The following HDGFL2 variants were observed in gnomAD, a reference collection of about 807,000 sequenced individuals.
HDGFL2 encodes HDGF like 2.
Under a neutral mutation model 77.1 loss-of-function variants are expected in HDGFL2, and 36 were observed. The observed-to-expected ratio is 0.47, with a 90% CI of 0.36 to 0.62. HDGFL2 has a LOEUF of 0.62. HDGFL2 is among the 20% of genes least tolerant of loss of function. The pLI is 0.00. For synonymous variants in HDGFL2, 463 were observed against 413.1 expected, an observed-to-expected ratio of 1.12 and a Z score of -1.46; for missense variants, 976 against 973.4, an observed-to-expected ratio of 1.00 and a Z score of -0.04.
chr19:4,473,393 C>T (rs558551437), intron 1 of HDGFL2, among the ~76,000 whole-genome samples: 1 of 151,580 alleles, frequency 6.6e-6, no homozygotes, highest in African/African-American at 2.4e-5. Flanking sequence ...CAGGGTGCCT[C>T]AGGGAGCCGT....
At chr19:4,477,404 T>A (rs945607968) in intron 3 of HDGFL2, among the ~76,000 whole-genome samples, 5 of 152,172 alleles carry the variant, frequency 3.3e-5, no homozygotes, top group Non-Finnish European at 1.5e-5. Context: ...TATTTTACTT[T>A]AACACCCATG....
intron 4 of HDGFL2, among the ~76,000 whole-genome samples, chr19:4,491,269 A>AC (rs1975502609): frequency 5.1e-5 from 1 of 19,456 alleles, no homozygotes; most frequent in East Asian, 4.2e-3. Context: ...CCACCCCCCC[A>AC]CCCCCCCACC....
chr19:4,485,345 T>G (rs1478487533), intron 3 of HDGFL2, among the ~76,000 whole-genome samples: 1 of 152,208 alleles, frequency 6.6e-6, no homozygotes, highest in Non-Finnish European at 1.5e-5. Context: ...AGAGCCTCGT[T>G]TCTTTTCATG....
chr19:4,496,388 G>C lies in HDGFL2; in HGVS notation c.1311G>C (p.Glu437Asp), dbSNP rs998759249. 6.2e-7 allele frequency: 1 copy of C among 1,613,746 alleles called. No homozygotes were observed. Among genetic ancestry groups the C allele is most frequent in the African/African-American group, 1.3e-5 (1 of 74,920 alleles). ...PGQKEKRVRP[E>D]EKQQAKPVKV... Reference sequence around the variant, plus strand: ...AGAAGGAGAAGAGAGTGCGGCCCGAGGAGAAGCAACAAGCCAAGTGAGCCC... The same window carrying C: ...AGAAGGAGAAGAGAGTGCGGCCCGACGAGAAGCAACAAGCCAAGTGAGCCC... Residue 437 changes from glutamate (E) to aspartate (D), a missense_variant, in exon 10 of 16, where the codon GAG (glutamate) becomes GAC (aspartate). Coordinates refer to ENST00000616600, the MANE Select transcript of HDGFL2 (RefSeq NM_001001520.3).
At position 4,475,823 on chromosome 19, in the gene HDGFL2, C is replaced by A. The variant is rs547659974; in HGVS notation, c.288+240C>A. On this transcript the variant is annotated intron_variant, in intron 3 of 15. Transcript: ENST00000616600. ...GTCCCCAGTCATTGCCCAGTGTCCC[C>A]TGGGTGGAGGGGAACGGGATAGAAT... Among the ~76,000 whole-genome samples the A allele has an allele frequency of 1.8e-4, 27 of 152,296 alleles. No homozygotes were observed. The East Asian group carries it at 5.0e-3, about 28-fold the overall frequency.
intron 6 of HDGFL2, among the ~76,000 whole-genome samples, chr19:4,492,482 C>T (rs750880675): frequency 6.6e-6 from 1 of 151,326 alleles, no homozygotes; most frequent in Non-Finnish European, 1.5e-5. Context: ...CCTGTGTGTC[C>T]ATGTGTGCAT....
intron 13 of HDGFL2, 38 bp downstream of exon 13, chr19:4,498,953 G>T (rs1410213908): frequency 7.0e-7 from 1 of 1,437,542 alleles, no homozygotes; most frequent in Non-Finnish European, 9.6e-7. Flanking sequence ...GTGCAGTCGG[G>T]GGAGCTGGGA....
Position 4,479,664 on chromosome 19 carries a change from T to C in HDGFL2, c.288+4081T>C, listed in dbSNP as rs898303548. ...ACGCTTACACCTGTAATCCCAGCAC[T>C]TTGGGAGGCCAAGAGGGTGGGTCAC... On this transcript the variant is annotated intron_variant, in intron 3 of 15. Coordinates refer to ENST00000616600, the MANE Select transcript of HDGFL2 (RefSeq NM_001001520.3). Among the ~76,000 whole-genome samples, 12 of 151,510 alleles carry C rather than the reference T, an allele frequency of 7.9e-5. No homozygotes were observed. In the East Asian group the frequency reaches 1.8e-3, roughly 22 times the overall value.
intron 11 of HDGFL2, 80 bp from the exon 12 acceptor site, chr19:4,498,226 G>A: frequency 7.4e-7 from 1 of 1,347,028 alleles, no homozygotes; most frequent in Admixed American, 1.8e-5. Context: ...TCCTCCAGAG[G>A]CTCTCAGGCT....
Position 4,502,120 on chromosome 19 carries a change from T to C in HDGFL2, c.*110T>C, listed in dbSNP as rs1975923860. ...TGTGGGGAACGCTGTGCTGTTTGTA[T>C]TTGTTCCCTTGGGTTTTTTTTTCCT... is the stretch of plus-strand genomic sequence containing the variant. On this transcript the variant is annotated 3_prime_UTR_variant, in exon 16 of 16. Transcript: ENST00000616600. The C allele has an allele frequency of 1.2e-6, 1 of 814,486 alleles. No individual in the cohort carries two copies. Among genetic ancestry groups the C allele is most frequent in the Non-Finnish European group, 2.0e-6 (1 of 490,510 alleles). The allele number at this position is 814,486 out of a possible 1,614,324, so 50.5% of individuals were successfully genotyped here.
In HDGFL2 at chr19:4,472,361, C is replaced by G. The variant is rs559662292; in HGVS notation, c.11C>G (p.Ala4Gly). Reference protein sequence around the residue: MPHAFKPGDLVFAK... With the variant: MPHGFKPGDLVFAK... ...CCTCTCGCCGTCAGCATGCCACACG[C>G]CTTCAAGCCCGGGGACTTGGTGTTC... Residue 4 changes from alanine to glycine, a missense_variant, in exon 1 of 16, where the codon GCC becomes GGC. By Grantham distance (60) the Ala-to-Gly change is moderately conservative. Transcript: ENST00000616600. 1 of 1,530,094 alleles carries G rather than the reference C, an allele frequency of 6.5e-7. No individual in the cohort carries two copies. The highest frequency in any genetic ancestry group is 8.8e-7 in the Non-Finnish European group (1 of 1,140,880). The allele number at this position is 1,530,094 out of a possible 1,614,324, so 94.8% of individuals were successfully genotyped here. A position where few individuals can be genotyped will look rare whatever the true frequency, so the allele number is the denominator to read the frequency against.
At chr19:4,492,951 TG>T in intron 6 of HDGFL2, among the ~76,000 whole-genome samples, 1 of 127,506 alleles carries the variant, frequency 7.8e-6, no homozygotes, top group Non-Finnish European at 1.7e-5. Context: ...GTGTGTGTGG[TG>T]CGTGTGAGTT....
At chr19:4,496,525 GA>G in intron 10 of HDGFL2, 120 bp downstream of exon 10, 3 of 750,150 alleles carry the variant, frequency 4.0e-6, no homozygotes, top group Non-Finnish European at 6.9e-6. Context: ...GGACCCGGTT[GA>G]AGTTCCTGGT....
At chr19:4,493,577 C>T in intron 6 of HDGFL2, 126 bp from the exon 7 acceptor site, 7 of 1,216,386 alleles carry the variant, frequency 5.8e-6, no homozygotes, top group Non-Finnish European at 6.3e-6. Flanking sequence ...GATTCGGAGC[C>T]GGGCCCTGAG....
chr19:4,497,455 C>T, intron 10 of HDGFL2: 1 of 295,366 alleles, frequency 3.4e-6, no homozygotes, highest in Non-Finnish European at 6.6e-6. Context: ...CCTCGGCCTC[C>T]CAAAGTGCTG....
chr19:4,488,653 G>A (rs1029691981), intron 3 of HDGFL2, 23 bp from the exon 4 acceptor site: 31 of 1,534,280 alleles, frequency 2.0e-5, no homozygotes, highest in African/African-American at 8.2e-5. Context: ...GGTGACGCGC[G>A]TTCTCTGCCC....
At chr19:4,477,204 G>A (rs1159499041) in intron 3 of HDGFL2, among the ~76,000 whole-genome samples, 1 of 152,138 alleles carries the variant, frequency 6.6e-6, no homozygotes, top group African/African-American at 2.4e-5. Flanking sequence ...CAGACGTTTC[G>A]GTGGTGACAC....
intron 3 of HDGFL2, among the ~76,000 whole-genome samples, chr19:4,487,781 C>T (rs981811549): frequency 1.3e-5 from 2 of 152,106 alleles, no homozygotes; most frequent in African/African-American, 2.4e-5. Context: ...GACCCGGTCA[C>T]GTGCCTGGCA....
chr19:4,497,845 G>C, intron 10 of HDGFL2, 113 bp from the exon 11 acceptor site: 1 of 921,228 alleles, frequency 1.1e-6, no homozygotes, highest in Non-Finnish European at 1.6e-6. Context: ...TAGCTCCCAG[G>C]GCCTCCCAAA....
Sources: allele counts gnomAD v4.1 joint callset (sites outside exome capture counted in the v4.1 genomes callset), GRCh38; gene constraint gnomAD v4.1.1; transcripts MANE v1.5; gene names NCBI Gene and HGNC (gene_info 2026-07-23, HGNC 2026-07-21).